TMEM43: variants seen among roughly 807,000 people sequenced by gnomAD.
TMEM43 encodes arrhythmogenic right ventricular dysplasia 5.
Under a neutral mutation model 49.6 loss-of-function variants are expected in TMEM43, and 45 were observed. That is an observed-to-expected ratio of 0.91 (90% CI 0.71 to 1.16). The LOEUF is 1.16. Among genes scored for constraint, TMEM43 ranks in the 50% most tolerant of loss-of-function variants. The pLI is 0.00. For missense variants in TMEM43, 532 were observed against 516.6 expected, an observed-to-expected ratio of 1.03 and a Z score of -0.29; for synonymous variants, 199 against 207.8, an observed-to-expected ratio of 0.96 and a Z score of 0.36.
Position 14,141,701 on chromosome 3 carries a change from TC to T in TMEM43, c.1110del (p.Tyr371ThrfsTer44). On this transcript the variant is annotated frameshift_variant, in exon 12 of 12. Coordinates refer to ENST00000306077, the MANE Select transcript of TMEM43 (RefSeq NM_024334.3). LOFTEE classifies it high-confidence loss of function. ...TLLTVAAGWL[F>X]YRPLWALLIA... ...CTGACCGTGGCGGCTGGCTGGCTCT[TC>T]TACCGACCCCTGTGGGCCCTCCTCA... is the stretch of plus-strand genomic sequence containing the variant. The T allele has an allele frequency of 6.2e-7, 1 of 1,614,204 alleles. No individual in the cohort carries two copies.
Position 14,141,955 on chromosome 3 carries a change from T to G in TMEM43, c.*160T>G. ...CAGACTTGGCAGCATGTGCACCAGG[T>G]TGGTGTTCACCAGCTCATGTCTTCC... is the stretch of plus-strand genomic sequence containing the variant. On this transcript the variant is annotated 3_prime_UTR_variant, in exon 12 of 12. Transcript: ENST00000306077. The G allele has an allele frequency of 2.9e-6, 2 of 695,278 alleles. No homozygotes were observed. Among genetic ancestry groups the G allele is most frequent in the Non-Finnish European group, 4.7e-6 (2 of 421,238 alleles). 43.1% of individuals were successfully genotyped at this position (695,278 alleles called of 1,614,324 possible).
chr3:14,140,408 G>A (rs1238186458), intron 11 of TMEM43, among the ~76,000 whole-genome samples: 1 of 152,148 alleles, frequency 6.6e-6, no homozygotes, highest in African/African-American at 2.4e-5. Flanking sequence ...CCAGACTCAG[G>A]ACAGACTTAG....
rs1695216015 is a variant in TMEM43 at position 14,139,183 on chromosome 3, G to A, written c.886G>A (p.Val296Met). 2 of 1,612,702 alleles carry A rather than the reference G, an allele frequency of 1.2e-6. No individual in the cohort carries two copies. Among genetic ancestry groups the A allele is most frequent in the Non-Finnish European group, 1.7e-6 (2 of 1,178,688 alleles). The change falls in exon 11 of 12, where the codon GTG becomes ATG. Residue 296 changes from valine to methionine, a missense_variant. Coordinates refer to ENST00000306077, the MANE Select transcript of TMEM43 (RefSeq NM_024334.3). ...LHHGDFSAEEVFHRELRSNSM... is the reference protein window; with the variant it reads ...LHHGDFSAEEMFHRELRSNSM... ...CTGCCCCCACCTTGTCCTGCAGGAGGTGTTTCATAGAGAACTAAGGAGCAA... is the reference window on the plus strand; with the variant it reads ...CTGCCCCCACCTTGTCCTGCAGGAGATGTTTCATAGAGAACTAAGGAGCAA...
Position 14,134,840 on chromosome 3 carries a change from C to T in TMEM43, c.654C>T (p.Ile218=), listed in dbSNP as rs755270250. The change falls in exon 8 of 12, where the codon ATC becomes ATT. Residue 218 remains isoleucine (I), a synonymous_variant. Transcript: ENST00000306077. ...AGCTGGAGGACCCTCATGTGGACAT[C>T]ATTCGCCGTGGAGACTTTTTCTACC... ...LSKLEDPHVD[I]IRRGDFFYHS... is the part of the protein sequence containing the mutation. The T allele has an allele frequency of 6.2e-7, 1 of 1,614,190 alleles. No homozygotes were observed. The highest frequency in any genetic ancestry group is 8.5e-7 in the Non-Finnish European group (1 of 1,180,024).
intron 9 of TMEM43, 90 bp from the exon 10 acceptor site, chr3:14,135,717 G>A: frequency 9.1e-7 from 1 of 1,104,030 alleles, no homozygotes; most frequent in South Asian, 1.3e-5. Context: ...TCCCCAGCCG[G>A]CACCCAGTCC....
At chr3:14,139,134 G>C in intron 10 of TMEM43, 46 bp from the exon 11 acceptor site, 1 of 1,420,316 alleles carries the variant, frequency 7.0e-7, no homozygotes, top group Non-Finnish European at 1.0e-6. Context: ...GACTGGGTAC[G>C]CCACTGGCCC....
chr3:14,140,210 A>G (rs1002846535), intron 11 of TMEM43, among the ~76,000 whole-genome samples: 1 of 152,220 alleles, frequency 6.6e-6, no homozygotes, highest in African/African-American at 2.4e-5. Flanking sequence ...TTGTGCTCAG[A>G]AAGACCAGTG....
At chr3:14,127,300 A>C (rs1695034003) in intron 1 of TMEM43, among the ~76,000 whole-genome samples, 2 of 152,134 alleles carry the variant, frequency 1.3e-5, no homozygotes, top group South Asian at 4.1e-4. Context: ...CCCCTCCCCT[A>C]GCCTGAGGGG....
rs186530498 is a variant in TMEM43 at position 14,135,879 on chromosome 3, C to T, written c.853C>T (p.Leu285Phe). ...FSTKSGDTLL[L>F]LHHGDFSAEE... ...CACCAAGTCTGGGGATACCTTACTG[C>T]TCCTGCACCACGGGGACTTCTCAGC... The change falls in exon 10 of 12, where the codon CTC becomes TTC. Residue 285 changes from leucine to phenylalanine, a missense_variant. Coordinates refer to ENST00000306077, the MANE Select transcript of TMEM43 (RefSeq NM_024334.3). 5.0e-6 allele frequency: 8 copies of T among 1,614,100 alleles called. No individual in the cohort carries two copies. The highest frequency in any genetic ancestry group is 8.5e-7 in the Non-Finnish European group (1 of 1,180,042).
intron 3 of TMEM43, 64 bp downstream of exon 3, chr3:14,131,020 T>G (rs1308196150): frequency 1.3e-6 from 2 of 1,566,624 alleles, no homozygotes; most frequent in East Asian, 4.5e-5. Context: ...GTTGTCTGGC[T>G]GAGGATTTGA....
chr3:14,140,342 C>A (rs1382434656), intron 11 of TMEM43, among the ~76,000 whole-genome samples: 1 of 152,076 alleles, frequency 6.6e-6, no homozygotes, highest in African/African-American at 2.4e-5. Context: ...TCTCAGTGGG[C>A]CCTTCTTTGG....
chr3:14,131,765 C>T, intron 4 of TMEM43, 91 bp downstream of exon 4: 2 of 900,480 alleles, frequency 2.2e-6, no homozygotes, highest in East Asian at 2.6e-5. Flanking sequence ...ATTTTGATAC[C>T]TTTGAAACTC....
intron 9 of TMEM43, among the ~76,000 whole-genome samples, 154 bp from the exon 10 acceptor site, chr3:14,135,653 A>T (rs533412719): frequency 2.6e-4 from 40 of 152,284 alleles, no homozygotes; most frequent in African/African-American, 8.9e-4. Context: ...GCAGAGGTGG[A>T]TGCATCCCAG....
In TMEM43 at chr3:14,125,139, C is replaced by T; in HGVS notation, c.-55C>T. The T allele has an allele frequency of 2.5e-6, 4 of 1,605,858 alleles. No homozygotes were observed. The South Asian group carries it at 3.3e-5, about 13-fold the overall frequency. On this transcript the variant is annotated 5_prime_UTR_variant, in exon 1 of 12. Coordinates refer to ENST00000306077, the MANE Select transcript of TMEM43 (RefSeq NM_024334.3). ...CCGCTGGACACCACGCTCCAGTCGT[C>T]AGCCCACTTCCTAGCTGAACAGCGC...
At chr3:14,126,572 G>C (rs572878729) in intron 1 of TMEM43, among the ~76,000 whole-genome samples, 1 of 152,316 alleles carries the variant, frequency 6.6e-6, no homozygotes, top group South Asian at 2.1e-4. Context: ...TCATGGATCA[G>C]TTACTGTGAT....
chr3:14,130,381 A>AC (rs1331557361), intron 2 of TMEM43, among the ~76,000 whole-genome samples: 1 of 151,612 alleles, frequency 6.6e-6, no homozygotes, highest in African/African-American at 2.4e-5. Flanking sequence ...CAAGCCTGTA[A>AC]CCCCAGCACT....
chr3:14,139,853 G>C (rs183483427), intron 11 of TMEM43, among the ~76,000 whole-genome samples: 1 of 152,206 alleles, frequency 6.6e-6, no homozygotes, highest in Non-Finnish European at 1.5e-5. Context: ...TCCTTGACCT[G>C]AGGTTGGCAC....
intron 1 of TMEM43, among the ~76,000 whole-genome samples, chr3:14,128,002 T>C (rs1695041423): frequency 6.6e-6 from 1 of 152,144 alleles, no homozygotes; most frequent in Non-Finnish European, 1.5e-5. Flanking sequence ...GTAACATTTC[T>C]ACTAGCTAAC....
rs1040562950 is a variant in TMEM43, at chr3:14,143,113, T to TAAG, written c.*1319_*1321dup. On this transcript the variant is annotated 3_prime_UTR_variant, in exon 12 of 12. Coordinates refer to ENST00000306077, the MANE Select transcript of TMEM43 (RefSeq NM_024334.3). Reference sequence around the variant, plus strand: ...ACCCACACCTAAGTCACAGAATTTCTAAGTTCCCCAACTACTCTCACACCC... The same window carrying TAAG: ...ACCCACACCTAAGTCACAGAATTTCTAAGAAGTTCCCCAACTACTCTCACACCC... The TAAG allele has an allele frequency of 1.2e-4, 19 of 152,232 alleles. No homozygotes were observed. Among genetic ancestry groups the TAAG allele is most frequent in the African/African-American group, 4.3e-4 (18 of 41,446 alleles). The allele number at this position is 152,232 out of a possible 1,614,324, so 9.4% of individuals were successfully genotyped here. A position where few individuals can be genotyped will look rare whatever the true frequency, so the allele number is the denominator to read the frequency against.
Sources: gnomAD v4.1 joint callset for allele counts (sites outside exome capture counted in the v4.1 genomes callset) on GRCh38, gnomAD v4.1.1 for gene constraint, MANE v1.5 for transcripts, NCBI Gene and HGNC (gene_info 2026-07-23, HGNC 2026-07-21) for gene names.